Variants in GPC5 observed in about 807,000 individuals in gnomAD.
GPC5 encodes glypican-5.
A neutral mutation model predicts 53.9 loss-of-function variants in GPC5; 47 were observed. That is an observed-to-expected ratio of 0.87 (90% CI 0.69 to 1.11). The LOEUF is 1.11. Among genes scored for constraint, GPC5 ranks in the 50% most tolerant of loss-of-function variants. The pLI is 0.00. For synonymous variants in GPC5, 286 were observed against 263.3 expected (o/e 1.09, Z -0.84); for missense variants, 748 against 713.1 (o/e 1.05, Z -0.56).
intron 7 of GPC5, among the ~76,000 whole-genome samples, chr13:92,311,454 G>A (rs963450470): frequency 7.2e-5 from 11 of 152,114 alleles, no homozygotes; most frequent in Non-Finnish European, 1.5e-4. Flanking sequence ...ATTTGATTTG[G>A]TCTCAATGCT....
In GPC5 at chr13:91,800,390, T is replaced by C. The variant is rs1300936060; in HGVS notation, c.1280+43970T>C. Among the ~76,000 whole-genome samples the C allele has an allele frequency of 8.6e-5, 13 of 152,026 alleles. 1 individual carries two copies. The highest frequency in any genetic ancestry group is 8.3e-4 in the South Asian group (4 of 4,834). ...TTGTGTCTTTCCACATAAAGAAACA[T>C]GCACCAAAATCTGAAAGGTCAGGAG... On this transcript the variant is annotated intron_variant, in intron 5 of 7. Transcript: ENST00000377067.
At chr13:91,587,462 C>T (rs148886403) in intron 2 of GPC5, among the ~76,000 whole-genome samples, 2 of 152,200 alleles carry the variant, frequency 1.3e-5, no homozygotes, top group East Asian at 3.9e-4. Context: ...AGCAATGTGT[C>T]AGTCAGTTTG....
At chr13:91,986,061 CTTTTT>C (rs779259362) in intron 6 of GPC5, among the ~76,000 whole-genome samples, 1 of 95,456 alleles carries the variant, frequency 1.0e-5, no homozygotes, top group Admixed American at 1.4e-4. Context: ...TTAGCCAATA[CTTTTT>C]TTTTTTTTTT....
At chr13:91,981,579 G>A (rs1259994021) in intron 6 of GPC5, among the ~76,000 whole-genome samples, 4 of 152,158 alleles carry the variant, frequency 2.6e-5, no homozygotes, top group African/African-American at 7.2e-5. Context: ...GTGAGCCACC[G>A]CGCCCGACCG....
intron 6 of GPC5, among the ~76,000 whole-genome samples, chr13:92,056,769 G>A (rs939068361): frequency 6.6e-6 from 1 of 152,078 alleles, no homozygotes; most frequent in African/African-American, 2.4e-5. Flanking sequence ...GGTTTATATA[G>A]TTGTCAAGAC....
intron 7 of GPC5, among the ~76,000 whole-genome samples, chr13:92,633,245 C>T (rs762441462): frequency 1.4e-4 from 22 of 152,106 alleles, no homozygotes; most frequent in Middle Eastern, 3.4e-3. Flanking sequence ...ATCATGAGAA[C>T]GTGTGGGAAT....
At chr13:91,430,822 A>T (rs1486429289) in intron 1 of GPC5, among the ~76,000 whole-genome samples, 1 of 152,146 alleles carries the variant, frequency 6.6e-6, no homozygotes, top group East Asian at 1.9e-4. Context: ...TGCGTGTTAA[A>T]CATGGTGGCA....
chr13:91,526,428 G>T (rs1594209357), intron 2 of GPC5, among the ~76,000 whole-genome samples: 1 of 152,294 alleles, frequency 6.6e-6, no homozygotes, highest in East Asian at 1.9e-4. Context: ...TGCAGAGAAG[G>T]AAGCACTTAT....
At chr13:92,424,917 T>C (rs7994262) in intron 7 of GPC5, among the ~76,000 whole-genome samples, 43,603 of 151,854 alleles carry the variant, frequency 0.29, 7,255 homozygotes, top group East Asian at 0.61. Context: ...ATGAATAAGA[T>C]ATAGCTCCTG....
At chr13:91,795,336 G>A (rs2038029972) in intron 5 of GPC5, among the ~76,000 whole-genome samples, 1 of 152,218 alleles carries the variant, frequency 6.6e-6, no homozygotes, top group African/African-American at 2.4e-5. Flanking sequence ...TCGCATTAAA[G>A]GATTTCTCAT....
chr13:91,971,531 T>C (rs1261195902), intron 6 of GPC5, among the ~76,000 whole-genome samples: 1 of 152,210 alleles, frequency 6.6e-6, no homozygotes, highest in Non-Finnish European at 1.5e-5. Context: ...TTGCTCTTGC[T>C]TCTCTAGTTC....
intron 7 of GPC5, among the ~76,000 whole-genome samples, chr13:92,784,583 T>C (rs954922238): frequency 2.6e-5 from 4 of 152,238 alleles, no homozygotes; most frequent in African/African-American, 9.6e-5. Flanking sequence ...ATATTAAAGA[T>C]GAAAATAAAT....
intron 3 of GPC5, among the ~76,000 whole-genome samples, chr13:91,710,957 G>A (rs28491380): frequency 5.1e-4 from 78 of 152,322 alleles, no homozygotes; most frequent in African/African-American, 1.9e-3. Flanking sequence ...TCATGTCAAA[G>A]GCTCTAAGAA....
intron 7 of GPC5, among the ~76,000 whole-genome samples, chr13:92,681,540 A>C (rs1416045021): frequency 6.6e-6 from 1 of 152,092 alleles, no homozygotes; most frequent in Non-Finnish European, 1.5e-5. Context: ...TGTGGTTCTG[A>C]AAAGCAAATC....
At chr13:91,801,880 G>A (rs1045084617) in intron 5 of GPC5, among the ~76,000 whole-genome samples, 2 of 152,120 alleles carry the variant, frequency 1.3e-5, no homozygotes, top group Non-Finnish European at 2.9e-5. Flanking sequence ...CCACAGGGAG[G>A]TGACAGCTCT....
chr13:92,125,923 GGTTTTTTTTTTTTTTTTTTTTT>G (rs1555312526), intron 6 of GPC5, among the ~76,000 whole-genome samples: 5,087 of 41,544 alleles, frequency 0.12, 977 homozygotes, highest in Middle Eastern at 0.24. Context: ...TTTGTTTTTT[GGTTTTTTTTTTTTTTTTTTTTT>G]TTTTTTTTTT....
chr13:92,413,432 A>T (rs1189144355), intron 7 of GPC5, among the ~76,000 whole-genome samples: 1 of 152,222 alleles, frequency 6.6e-6, no homozygotes, highest in Non-Finnish European at 1.5e-5. Context: ...CTACTTAATG[A>T]TTTAGACTAC....
intron 6 of GPC5, among the ~76,000 whole-genome samples, chr13:92,037,045 A>G (rs984896692): frequency 2.6e-5 from 4 of 152,222 alleles, no homozygotes; most frequent in African/African-American, 9.6e-5. Flanking sequence ...CATGCCATTT[A>G]TTTGCTCTAA....
chr13:91,918,010 T>C (rs190142314), intron 6 of GPC5, among the ~76,000 whole-genome samples: 1 of 152,342 alleles, frequency 6.6e-6, no homozygotes, highest in East Asian at 1.9e-4. Flanking sequence ...CTCATGCTGC[T>C]ATGAAGAAAT....
Sources: gnomAD v4.1 joint callset for allele counts (sites outside exome capture counted in the v4.1 genomes callset) on GRCh38, gnomAD v4.1.1 for gene constraint, MANE v1.5 for transcripts, NCBI Gene and HGNC (gene_info 2026-07-23, HGNC 2026-07-21) for gene names.